FHIT: variants seen among roughly 807,000 people sequenced by gnomAD.
FHIT encodes the protein bis(5'-adenosyl)-triphosphatase.
Under a neutral mutation model 17.9 loss-of-function variants are expected in FHIT, and 19 were observed. The ratio of observed to expected loss-of-function variants is 1.06; its 90% confidence interval spans 0.74 to 1.56. The LOEUF (loss-of-function observed/expected upper bound fraction) is 1.56. Ranked by LOEUF, FHIT falls within the 40% of genes most tolerant of loss-of-function variation. The probability of loss-of-function intolerance (pLI) is 0.00; values close to 1 mark genes in which losing one functional copy is unlikely to be tolerated. For synonymous variants in FHIT, 81 were observed against 69.7 expected (o/e 1.16, Z -0.81); for missense variants, 248 against 189.2 (o/e 1.31, Z -1.82).
chr3:61,102,225 T>C (rs917144427), intron 2 of FHIT, among the ~76,000 whole-genome samples: 9 of 152,210 alleles, frequency 5.9e-5, no homozygotes, highest in African/African-American at 2.2e-4. Context: ...TTGAGATACG[T>C]TCCATTAATA....
At chr3:59,851,253 CT>C (rs1701922038) in intron 8 of FHIT, among the ~76,000 whole-genome samples, 1 of 152,156 alleles carries the variant, frequency 6.6e-6, no homozygotes, top group African/African-American at 2.4e-5. Context: ...TAATTATTAA[CT>C]AACTAGAACT....
At chr3:60,236,970 G>A (rs995132105) in intron 5 of FHIT, among the ~76,000 whole-genome samples, 4 of 152,058 alleles carry the variant, frequency 2.6e-5, no homozygotes, top group African/African-American at 9.7e-5. Context: ...ATGTATCTCA[G>A]AGATAGATAG....
intron 5 of FHIT, among the ~76,000 whole-genome samples, chr3:60,241,398 G>C (rs1215768577): frequency 1.3e-5 from 2 of 152,032 alleles, no homozygotes; most frequent in African/African-American, 4.8e-5. Context: ...GAATTTTCTA[G>C]GAATTTTAAG....
intron 4 of FHIT, among the ~76,000 whole-genome samples, chr3:60,729,818 A>G (rs925859509): frequency 6.6e-6 from 1 of 152,114 alleles, no homozygotes; most frequent in Non-Finnish European, 1.5e-5. Context: ...GGAAGGACCT[A>G]TATAATGGAG....
At chr3:60,067,567 G>C (rs1702571328) in intron 5 of FHIT, among the ~76,000 whole-genome samples, 1 of 152,148 alleles carries the variant, frequency 6.6e-6, no homozygotes, top group Non-Finnish European at 1.5e-5. Context: ...GAGCCCACAG[G>C]TACTATCTGG....
intron 5 of FHIT, among the ~76,000 whole-genome samples, chr3:60,143,025 T>C (rs1404617736): frequency 6.6e-6 from 1 of 152,200 alleles, no homozygotes; most frequent in Non-Finnish European, 1.5e-5. Context: ...TTCAGCTTTC[T>C]GGCATCCAAC....
rs375015580 is a variant in FHIT at position 61,027,672 on chromosome 3, C to T, written c.-111+14375G>A. Among the ~76,000 whole-genome samples, 22 of 152,246 alleles carry T rather than the reference C, an allele frequency of 1.4e-4. No individual in the cohort carries two copies. In the East Asian group the frequency reaches 1.7e-3, roughly 12 times the overall value. On this transcript the variant is annotated intron_variant, in intron 3 of 9. Coordinates refer to ENST00000492590, the MANE Select transcript of FHIT (RefSeq NM_002012.4). ...CACACACACAAATGGAGAACCCATT[C>T]TTCCAGTATTATAAACTATCATACA...
At chr3:59,812,490 T>C (rs556641582) in intron 8 of FHIT, among the ~76,000 whole-genome samples, 2 of 152,336 alleles carry the variant, frequency 1.3e-5, no homozygotes, top group South Asian at 2.1e-4. Context: ...TGCTGCATTA[T>C]GGATGAGCTC....
At chr3:60,267,265 T>G (rs2107620169) in intron 5 of FHIT, among the ~76,000 whole-genome samples, 1 of 151,556 alleles carries the variant, frequency 6.6e-6, no homozygotes, top group East Asian at 1.9e-4. Flanking sequence ...AATGTAGGGG[T>G]TTTGAATTAT....
chr3:60,357,204 T>TTTTGTTTGTTTG (rs148313403), intron 5 of FHIT, among the ~76,000 whole-genome samples: 1 of 152,064 alleles, frequency 6.6e-6, no homozygotes, highest in Non-Finnish European at 1.5e-5. Context: ...ATCACTTGTT[T>TTTTGTTTGTTTG]TTTGTTTGTT....
chr3:60,861,737 G>T (rs1703908546), intron 3 of FHIT, among the ~76,000 whole-genome samples: 1 of 151,862 alleles, frequency 6.6e-6, no homozygotes, highest in Non-Finnish European at 1.5e-5. Context: ...AAAGGTAAGG[G>T]ATCAAGCAGT....
intron 8 of FHIT, among the ~76,000 whole-genome samples, chr3:59,869,198 G>C (rs1488208006): frequency 6.6e-6 from 1 of 152,152 alleles, no homozygotes; most frequent in Admixed American, 6.5e-5. Flanking sequence ...TTTTCTAACA[G>C]ACCGATTTTG....
intron 3 of FHIT, among the ~76,000 whole-genome samples, chr3:60,920,033 CAAA>C (rs1224608220): frequency 2.8e-5 from 3 of 108,342 alleles, no homozygotes; most frequent in Admixed American, 9.6e-5. Flanking sequence ...GACTCCGTCT[CAAA>C]AAAAAAAAAA....
chr3:60,496,420 G>C (rs1004913234), intron 5 of FHIT, among the ~76,000 whole-genome samples: 1 of 152,138 alleles, frequency 6.6e-6, no homozygotes, highest in Non-Finnish European at 1.5e-5. Context: ...TGGATAATTG[G>C]AGAAATGAGA....
At chr3:60,464,881 G>A (rs754980032) in intron 5 of FHIT, among the ~76,000 whole-genome samples, 5 of 152,080 alleles carry the variant, frequency 3.3e-5, no homozygotes, top group Non-Finnish European at 7.4e-5. Flanking sequence ...ATACCTAGCA[G>A]CGAGTTTGCT....
intron 2 of FHIT, among the ~76,000 whole-genome samples, chr3:61,066,566 G>A (rs2034618401): frequency 6.6e-6 from 1 of 152,182 alleles, no homozygotes; most frequent in African/African-American, 2.4e-5. Flanking sequence ...AGTGAGCAGA[G>A]ATTGTGCCAT....
chr3:61,237,281 T>C (rs2040256108), intron 1 of FHIT, among the ~76,000 whole-genome samples: 1 of 152,246 alleles, frequency 6.6e-6, no homozygotes, highest in Non-Finnish European at 1.5e-5. Flanking sequence ...TGATGACAGA[T>C]ATTAATATTT....
At chr3:60,564,338 T>C (rs891317081) in intron 4 of FHIT, among the ~76,000 whole-genome samples, 2 of 152,194 alleles carry the variant, frequency 1.3e-5, no homozygotes, top group African/African-American at 2.4e-5. Context: ...GATAGAGATG[T>C]ACAAGGAGAT....
intron 5 of FHIT, among the ~76,000 whole-genome samples, chr3:60,324,462 A>G (rs1252701024): frequency 2.6e-5 from 4 of 151,316 alleles, no homozygotes; most frequent in Middle Eastern, 3.4e-3. Flanking sequence ...GCGGGTGCCT[A>G]TAGTCCCAGC....
Sources: allele counts gnomAD v4.1 joint callset (sites outside exome capture counted in the v4.1 genomes callset), GRCh38; gene constraint gnomAD v4.1.1; transcripts MANE v1.5; gene names NCBI Gene and HGNC (gene_info 2026-07-23, HGNC 2026-07-21).